Variants in KCNMA1 observed in about 807,000 individuals in gnomAD.
KCNMA1 encodes the protein potassium calcium-activated channel subfamily M alpha 1, also known as Calcium-activated potassium channel subunit alpha-1.
In KCNMA1, 29 loss-of-function variants were observed where a neutral mutation model predicts 140.0. The observed-to-expected ratio is 0.21, with a 90% confidence interval of 0.15 to 0.28. The LOEUF (loss-of-function observed/expected upper bound fraction) is 0.28. Among genes scored for constraint, KCNMA1 ranks in the 10% least tolerant of loss-of-function variants. KCNMA1 has a pLI of 1.00. For missense variants in KCNMA1, 880 were observed against 1,602.2 expected, an observed-to-expected ratio of 0.55 and a Z score of 7.70; for synonymous variants, 612 against 611.9, an observed-to-expected ratio of 1.00 and a Z score of 0.00.
At chr10:77,555,621 T>C (rs1441453608) in intron 1 of KCNMA1, among the ~76,000 whole-genome samples, 2 of 152,220 alleles carry the variant, frequency 1.3e-5, no homozygotes, top group African/African-American at 4.8e-5. Context: ...CAGAGTCCTG[T>C]GCTGAAGTGT....
intron 1 of KCNMA1, among the ~76,000 whole-genome samples, chr10:77,584,318 T>C (rs537128091): frequency 6.6e-6 from 1 of 152,346 alleles, no homozygotes; most frequent in African/African-American, 2.4e-5. Flanking sequence ...TTTGTCTTTA[T>C]AGCCACAGAA....
chr10:77,169,388 T>A (rs188676824), intron 5 of KCNMA1, among the ~76,000 whole-genome samples: 1 of 152,168 alleles, frequency 6.6e-6, no homozygotes, highest in East Asian at 1.9e-4. Flanking sequence ...AATTTAATTT[T>A]TTATTTTTAT....
At chr10:77,387,046 G>A in intron 2 of KCNMA1, among the ~76,000 whole-genome samples, 1 of 152,208 alleles carries the variant, frequency 6.6e-6, no homozygotes, top group East Asian at 1.9e-4. Flanking sequence ...AGTGGGCTGA[G>A]GGGAAGGCTT....
chr10:77,630,240 C>T (rs573370721), intron 1 of KCNMA1, among the ~76,000 whole-genome samples: 2 of 152,320 alleles, frequency 1.3e-5, no homozygotes, highest in Admixed American at 6.5e-5. Context: ...GGGGCATCAC[C>T]GCAGTGCAGC....
intron 19 of KCNMA1, among the ~76,000 whole-genome samples, chr10:76,989,270 G>A (rs1004484842): frequency 2.0e-5 from 3 of 152,202 alleles, no homozygotes; most frequent in Admixed American, 6.5e-5. Context: ...GGGCTCTTTC[G>A]GTGTGTCCCT....
chr10:77,617,288 C>A (rs1239628629), intron 1 of KCNMA1, among the ~76,000 whole-genome samples: 1 of 152,144 alleles, frequency 6.6e-6, no homozygotes, highest in Non-Finnish European at 1.5e-5. Flanking sequence ...TCTCAATGCT[C>A]CAGGCAAAGA....
At chr10:77,135,083 T>G (rs905468233) in intron 5 of KCNMA1, among the ~76,000 whole-genome samples, 1 of 143,316 alleles carries the variant, frequency 7.0e-6, no homozygotes, top group Non-Finnish European at 1.5e-5. Flanking sequence ...AGAAAAATAT[T>G]TGAAAACTAT....
At position 76,897,721 on chromosome 10, in the gene KCNMA1, T is replaced by C. The variant is rs372242605; in HGVS notation, c.3148-6002A>G. On this transcript the variant is annotated intron_variant, in intron 25 of 27. Coordinates refer to ENST00000286628, the MANE Select transcript of KCNMA1 (RefSeq NM_001161352.2). ...TGTAAAAGATTATTGTATATATTAT[T>C]ACAAAATGGAATGCAAATGTCAAAA... Among the ~76,000 whole-genome samples, 5 of 151,976 alleles carry C rather than the reference T, an allele frequency of 3.3e-5. No individual in the cohort carries two copies. In the East Asian group the frequency reaches 5.8e-4, roughly 18 times the overall value.
At chr10:76,891,245 A>G (rs944912147) in intron 26 of KCNMA1, among the ~76,000 whole-genome samples, 17 of 152,234 alleles carry the variant, frequency 1.1e-4, no homozygotes, top group African/African-American at 4.1e-4. Context: ...GCAAATTCCC[A>G]ATAGGTCTAG....
At chr10:77,181,758 G>A (rs1278594107) in intron 5 of KCNMA1, among the ~76,000 whole-genome samples, 12 of 151,964 alleles carry the variant, frequency 7.9e-5, no homozygotes, top group Non-Finnish European at 2.9e-5. Flanking sequence ...GATACGATAC[G>A]GAGAAAATAA....
intron 20 of KCNMA1, among the ~76,000 whole-genome samples, chr10:76,956,172 TA>T (rs1408975589): frequency 6.6e-6 from 1 of 152,172 alleles, no homozygotes; most frequent in African/African-American, 2.4e-5. Flanking sequence ...CAGACGTTGT[TA>T]ACAGTGGCCT....
At chr10:77,626,961 G>A (rs146478957) in intron 1 of KCNMA1, among the ~76,000 whole-genome samples, 4 of 152,042 alleles carry the variant, frequency 2.6e-5, no homozygotes, top group African/African-American at 9.6e-5. Flanking sequence ...TTTTTCCTTG[G>A]TGTCAACCTC....
intron 2 of KCNMA1, among the ~76,000 whole-genome samples, chr10:77,319,281 C>T (rs1311889193): frequency 6.6e-6 from 1 of 152,154 alleles, no homozygotes; most frequent in African/African-American, 2.4e-5. Flanking sequence ...CACCCCATGC[C>T]ATTGCTCCAG....
chr10:76,999,619 T>C (rs899890449), intron 19 of KCNMA1, among the ~76,000 whole-genome samples: 4 of 152,208 alleles, frequency 2.6e-5, no homozygotes, highest in Non-Finnish European at 5.9e-5. Context: ...ATCTCTGTAA[T>C]GGCATGCAAA....
chr10:77,085,077 C>T (rs1198421396), intron 11 of KCNMA1, among the ~76,000 whole-genome samples: 1 of 152,180 alleles, frequency 6.6e-6, no homozygotes, highest in Non-Finnish European at 1.5e-5. Flanking sequence ...CATCCTAATT[C>T]TTCCTATCAG....
intron 1 of KCNMA1, among the ~76,000 whole-genome samples, chr10:77,567,615 A>G (rs894952782): frequency 3.3e-5 from 5 of 152,204 alleles, no homozygotes; most frequent in Non-Finnish European, 2.9e-5. Context: ...CCTTTCAAAA[A>G]CTATCTAATT....
chr10:76,884,921 C>T lies in KCNMA1; in HGVS notation c.*2345G>A, dbSNP rs2036176982. On this transcript the variant is annotated 3_prime_UTR_variant, in exon 28 of 28. Coordinates refer to ENST00000286628, the MANE Select transcript of KCNMA1 (RefSeq NM_001161352.2). The stretch of plus-strand genomic sequence containing the variant: ...TTTTTTAATTTCACAAAAGTTTTCA[C>T]AAGGACAACGTTATAGAAGAAAACC... The T allele has an allele frequency of 6.8e-7, 1 of 1,468,606 alleles. No homozygotes were observed. Among genetic ancestry groups the T allele is most frequent in the Admixed American group, 2.8e-5 (1 of 35,370 alleles). 91.0% of individuals were successfully genotyped at this position (1,468,606 alleles called of 1,614,324 possible).
chr10:77,401,242 C>T (rs193187474), intron 2 of KCNMA1, among the ~76,000 whole-genome samples: 102 of 152,076 alleles, frequency 6.7e-4, no homozygotes, highest in Non-Finnish European at 1.3e-3. Flanking sequence ...CTGCAAGTTC[C>T]GCCTCCTGGG....
intron 1 of KCNMA1, among the ~76,000 whole-genome samples, chr10:77,430,965 C>G (rs1414732945): frequency 1.3e-5 from 2 of 152,212 alleles, no homozygotes; most frequent in Non-Finnish European, 2.9e-5. Context: ...TCCTCTCTGT[C>G]CTCTTCATGA....
Sources: gnomAD v4.1 joint callset for allele counts (sites outside exome capture counted in the v4.1 genomes callset) on GRCh38, gnomAD v4.1.1 for gene constraint, MANE v1.5 for transcripts, NCBI Gene and HGNC (gene_info 2026-07-23, HGNC 2026-07-21) for gene names.